Variants in TET2 observed in about 807,000 individuals in gnomAD.
TET2 encodes the protein tet methylcytosine dioxygenase 2.
In TET2, 299 loss-of-function variants were observed where a neutral mutation model predicts 142.9. The observed-to-expected ratio is 2.09, with a 90% confidence interval of 1.90 to 2.30. The LOEUF (loss-of-function observed/expected upper bound fraction) is 2.30, where lower values mean the gene tolerates loss of function less well. Among genes scored for constraint, TET2 ranks in the 30% most tolerant of loss-of-function variants. The probability of loss-of-function intolerance (pLI) is 0.00; values close to 1 mark genes in which losing one functional copy is unlikely to be tolerated. For synonymous variants in TET2, 819 were observed against 849.0 expected (o/e 0.96, Z 0.61); for missense variants, 2,418 against 2,378.0 (o/e 1.02, Z -0.35).
intron 6 of TET2, among the ~76,000 whole-genome samples, chr4:105,250,478 T>A (rs2647246): frequency 3.5e-5 from 5 of 143,650 alleles, no homozygotes; most frequent in Non-Finnish European, 7.5e-5. Flanking sequence ...AGATCCTCCC[T>A]CCTAGGCTTC....
chr4:105,160,136 A>G (rs928350727), intron 1 of TET2, among the ~76,000 whole-genome samples: 3 of 152,204 alleles, frequency 2.0e-5, no homozygotes, highest in Admixed American at 2.0e-4. Context: ...TTAGTATACC[A>G]TTATACCTGC....
intron 2 of TET2, among the ~76,000 whole-genome samples, chr4:105,226,463 G>C (rs1728196186): frequency 6.6e-6 from 1 of 152,128 alleles, no homozygotes; most frequent in South Asian, 2.1e-4. Flanking sequence ...ATAATCCCCA[G>C]TGTTGGAGGT....
At chr4:105,263,280 A>C (rs1224645588) in intron 8 of TET2, among the ~76,000 whole-genome samples, 1 of 152,220 alleles carries the variant, frequency 6.6e-6, no homozygotes, top group Admixed American at 6.5e-5. Context: ...ATGGAAGGGT[A>C]AAGTGATGTA....
At position 105,276,361 on chromosome 4, in the gene TET2, C is replaced by T. The variant is rs1043057789; in HGVS notation, c.5851C>T (p.Arg1951Trp). ...GAAATCCCATGGCAAAAAAGTGAAA[C>T]GGGAGCCTGCTGAGCCACATGAAAC... is the stretch of plus-strand genomic sequence containing the variant. The part of the protein sequence containing the change: ...PQKSHGKKVK[R>W]EPAEPHETSE... Residue 1951 changes from arginine (R) to tryptophan (W), a missense_variant, in exon 11 of 11, where the codon CGG becomes TGG. By Grantham distance (101) the Arg-to-Trp change is moderately radical (BLOSUM62 -3). Transcript: ENST00000380013. The T allele has an allele frequency of 1.4e-5, 22 of 1,551,706 alleles. No individual in the cohort carries two copies. The highest frequency in any genetic ancestry group is 1.7e-4 in the Middle Eastern group (1 of 6,016).
At position 105,236,166 on chromosome 4, in the gene TET2, C is replaced by T. The variant is rs2110232389; in HGVS notation, c.2224C>T (p.Gln742Ter). ...PSQSSHLPQN[Q>*]QQQQKLQIKN... ...CCAGAGTTCACATCTCCCTCAAAACCAGCAACAGCAGCAAAAATTACAAAT... is the reference window on the plus strand; with the variant it reads ...CCAGAGTTCACATCTCCCTCAAAACTAGCAACAGCAGCAAAAATTACAAAT... The change falls in exon 3 of 11, where the codon CAG (glutamine) becomes TAG (stop). Residue 742 changes from glutamine (Q) to a stop codon, truncating the protein, a stop_gained. Coordinates refer to ENST00000380013, the MANE Select transcript of TET2 (RefSeq NM_001127208.3). LOFTEE classifies it high-confidence loss of function. The T allele has an allele frequency of 6.2e-7, 1 of 1,614,080 alleles. No individual in the cohort carries two copies. The highest frequency in any genetic ancestry group is 8.5e-7 in the Non-Finnish European group (1 of 1,180,004).
intron 6 of TET2, among the ~76,000 whole-genome samples, chr4:105,248,198 A>G (rs889761418): frequency 2.0e-5 from 3 of 152,164 alleles, no homozygotes; most frequent in Non-Finnish European, 4.4e-5. Flanking sequence ...CTGATCCATC[A>G]TTATGTTCTT....
At chr4:105,259,157 G>A (rs770264637) in intron 6 of TET2, among the ~76,000 whole-genome samples, 12 of 152,030 alleles carry the variant, frequency 7.9e-5, no homozygotes, top group Non-Finnish European at 1.8e-4. Context: ...AGGCTGAGGC[G>A]GGAAGATCAC....
At chr4:105,207,643 C>T (rs928779476) in intron 2 of TET2, among the ~76,000 whole-genome samples, 1 of 152,164 alleles carries the variant, frequency 6.6e-6, no homozygotes, top group Non-Finnish European at 1.5e-5. Flanking sequence ...AAGAGTTTAG[C>T]GATTTCCTTG....
chr4:105,199,263 A>G (rs1312521858), intron 2 of TET2, among the ~76,000 whole-genome samples: 1 of 152,214 alleles, frequency 6.6e-6, no homozygotes, highest in East Asian at 1.9e-4. Context: ...TGGATACTGC[A>G]CATCTATTAA....
chr4:105,218,509 G>A (rs1727627659), intron 2 of TET2, among the ~76,000 whole-genome samples: 1 of 152,116 alleles, frequency 6.6e-6, no homozygotes, highest in African/African-American at 2.4e-5. Context: ...TCTTCGTGAT[G>A]AGTTATTTAA....
At chr4:105,255,672 ACAT>A (rs1730087877) in intron 6 of TET2, among the ~76,000 whole-genome samples, 1 of 152,110 alleles carries the variant, frequency 6.6e-6, no homozygotes, top group Non-Finnish European at 1.5e-5. Context: ...TACATTTGTT[ACAT>A]CATTTTAATG....
At chr4:105,198,617 T>G (rs942004686) in intron 2 of TET2, among the ~76,000 whole-genome samples, 1 of 152,214 alleles carries the variant, frequency 6.6e-6, no homozygotes, top group South Asian at 2.1e-4. Context: ...TTTCTAAATT[T>G]ATGAGAATCA....
chr4:105,263,604 A>G (rs1462301753), intron 8 of TET2, among the ~76,000 whole-genome samples: 1 of 152,186 alleles, frequency 6.6e-6, no homozygotes, highest in Admixed American at 6.5e-5. Flanking sequence ...AAAATTTTGG[A>G]CATGCTAGGC....
At chr4:105,267,699 C>T (rs1292993789) in intron 8 of TET2, among the ~76,000 whole-genome samples, 1 of 149,992 alleles carries the variant, frequency 6.7e-6, no homozygotes, top group Non-Finnish European at 1.5e-5. Flanking sequence ...TATCAACAAC[C>T]ACATTAAATG....
At chr4:105,260,814 G>A (rs1159378228) in intron 7 of TET2, among the ~76,000 whole-genome samples, 2 of 152,108 alleles carry the variant, frequency 1.3e-5, no homozygotes, top group Non-Finnish European at 2.9e-5. Flanking sequence ...CATTTCATAA[G>A]ACAAGAATAT....
In TET2 at chr4:105,261,823, T is replaced by C. The variant is rs1160334208; in HGVS notation, c.4019T>C (p.Leu1340Pro). ...CTTATGGCACCAACATATAAGAAAC[T>C]TGCACCTGATGCATATAATAATCAG... ...STLMAPTYKK[L>P]APDAYNNQIE... The change falls in exon 8 of 11, where the codon CTT (leucine) becomes CCT (proline). Residue 1340 changes from leucine to proline, a missense_variant. Leu to Pro is a moderately conservative substitution (Grantham distance 98, BLOSUM62 -3). Coordinates refer to ENST00000380013, the MANE Select transcript of TET2 (RefSeq NM_001127208.3). The C allele has an allele frequency of 6.5e-7, 1 of 1,547,900 alleles. No individual in the cohort carries two copies. The highest frequency in any genetic ancestry group is 8.7e-7 in the Non-Finnish European group (1 of 1,144,568).
chr4:105,196,814 A>C (rs757628643), intron 2 of TET2, among the ~76,000 whole-genome samples: 3 of 152,184 alleles, frequency 2.0e-5, no homozygotes, highest in African/African-American at 4.8e-5. Context: ...TTGTCTTCTT[A>C]TTACTAATAT....
chr4:105,268,087 G>A (rs1190545076), intron 8 of TET2, among the ~76,000 whole-genome samples: 2 of 152,024 alleles, frequency 1.3e-5, no homozygotes, highest in Non-Finnish European at 2.9e-5. Flanking sequence ...TTTAGAAAGT[G>A]CAGTAAGGCA....
At chr4:105,242,150 A>G in intron 4 of TET2, 3 of 1,146,230 alleles carry the variant, frequency 2.6e-6, no homozygotes, top group Non-Finnish European at 3.2e-6. Context: ...CAGCTAGGAC[A>G]TATTCAGTAT....
Sources: gnomAD v4.1 joint callset for allele counts (sites outside exome capture counted in the v4.1 genomes callset) on GRCh38, gnomAD v4.1.1 for gene constraint, MANE v1.5 for transcripts, NCBI Gene and HGNC (gene_info 2026-07-23, HGNC 2026-07-21) for gene names.